Variants in RIT2 observed in about 807,000 individuals in gnomAD.
The protein encoded by RIT2 is Ras like without CAAX 2, also known as GTP-binding protein Rit2.
RIT2 carries 24 observed loss-of-function variants against 23.7 expected under a neutral mutation model. That is an observed-to-expected ratio of 1.01 (90% CI 0.73 to 1.43). The LOEUF (loss-of-function observed/expected upper bound fraction) is 1.43, where lower values mean the gene tolerates loss of function less well. Ranked by LOEUF, RIT2 falls within the 40% of genes most tolerant of loss-of-function variation. The pLI is 0.00. For synonymous variants in RIT2, 107 were observed against 91.1 expected (o/e 1.17, Z -0.99); for missense variants, 236 against 266.9 (o/e 0.88, Z 0.81).
chr18:43,111,610 T>TA (rs1368304405), intron 1 of RIT2, among the ~76,000 whole-genome samples: 6 of 152,076 alleles, frequency 3.9e-5, no homozygotes, highest in African/African-American at 7.2e-5. Context: ...CAAATAAACA[T>TA]AAAAAAATCT....
chr18:42,848,335 A>G (rs1371327220), intron 4 of RIT2, among the ~76,000 whole-genome samples: 1 of 152,180 alleles, frequency 6.6e-6, no homozygotes, highest in African/African-American at 2.4e-5. Flanking sequence ...GGACTATAGC[A>G]GTATAACATG....
At chr18:42,822,389 C>T (rs1383239661) in intron 4 of RIT2, among the ~76,000 whole-genome samples, 3 of 152,042 alleles carry the variant, frequency 2.0e-5, no homozygotes, top group Non-Finnish European at 4.4e-5. Context: ...ATTTCACTCA[C>T]GTTGAAGAAA....
At chr18:42,968,191 A>G (rs1450765318) in intron 3 of RIT2, among the ~76,000 whole-genome samples, 1 of 152,174 alleles carries the variant, frequency 6.6e-6, no homozygotes, top group Non-Finnish European at 1.5e-5. Flanking sequence ...ATGTTTAACC[A>G]TAGTTGGTTT....
At chr18:42,757,642 C>T (rs887688675) in intron 4 of RIT2, among the ~76,000 whole-genome samples, 9 of 152,300 alleles carry the variant, frequency 5.9e-5, no homozygotes, top group East Asian at 1.9e-4. Flanking sequence ...CGTGCCTGTG[C>T]TTATTGGTAC....
intron 2 of RIT2, among the ~76,000 whole-genome samples, chr18:42,999,783 G>C (rs2144240037): frequency 6.6e-6 from 1 of 152,180 alleles, no homozygotes; most frequent in Non-Finnish European, 1.5e-5. Flanking sequence ...CCAGAAAATA[G>C]GTGGTAAAAA....
At chr18:42,853,770 T>A (rs1190146266) in intron 4 of RIT2, among the ~76,000 whole-genome samples, 1 of 152,212 alleles carries the variant, frequency 6.6e-6, no homozygotes, top group Non-Finnish European at 1.5e-5. Context: ...TTTCCAGCTA[T>A]TTTAGGTTCT....
At chr18:43,002,967 G>C (rs1416084447) in intron 2 of RIT2, among the ~76,000 whole-genome samples, 1 of 151,934 alleles carries the variant, frequency 6.6e-6, no homozygotes, top group East Asian at 1.9e-4. Context: ...AGGAAGGATA[G>C]AAATATGCTG....
chr18:43,025,810 T>C (rs1052877018), intron 2 of RIT2, among the ~76,000 whole-genome samples: 1 of 151,960 alleles, frequency 6.6e-6, no homozygotes, highest in African/African-American at 2.4e-5. Flanking sequence ...AGTGTGATAA[T>C]AGTTATTGAA....
intron 4 of RIT2, among the ~76,000 whole-genome samples, chr18:42,850,716 T>C (rs1280253864): frequency 6.6e-6 from 1 of 152,220 alleles, no homozygotes; most frequent in African/African-American, 2.4e-5. Context: ...TCTTTGGTTT[T>C]CATGCAAAAC....
chr18:42,781,020 G>A (rs1200063913), intron 4 of RIT2, among the ~76,000 whole-genome samples: 1 of 152,024 alleles, frequency 6.6e-6, no homozygotes, highest in Non-Finnish European at 1.5e-5. Flanking sequence ...CTTTGTGGTT[G>A]ACCTGCAGTG....
At chr18:42,891,038 G>T (rs547352729) in intron 4 of RIT2, among the ~76,000 whole-genome samples, 2 of 152,092 alleles carry the variant, frequency 1.3e-5, no homozygotes, top group Admixed American at 6.6e-5. Flanking sequence ...TCCTCCAACA[G>T]ACATATTAAA....
intron 2 of RIT2, among the ~76,000 whole-genome samples, chr18:43,004,454 A>C (rs1166067010): frequency 6.6e-6 from 1 of 151,860 alleles, no homozygotes; most frequent in Non-Finnish European, 1.5e-5. Context: ...ATCAACATTA[A>C]AAAAGTAATT....
intron 4 of RIT2, among the ~76,000 whole-genome samples, chr18:42,883,368 C>G (rs1484920274): frequency 6.6e-6 from 1 of 152,152 alleles, no homozygotes; most frequent in Non-Finnish European, 1.5e-5. Context: ...ATTTGTGGTA[C>G]TCTGTATTTG....
chr18:42,756,115 G>T (rs1913157485), intron 4 of RIT2, among the ~76,000 whole-genome samples: 1 of 152,096 alleles, frequency 6.6e-6, no homozygotes, highest in Admixed American at 6.6e-5. Flanking sequence ...AAGTGAATAA[G>T]AGCACAATCA....
At chr18:43,101,382 A>C (rs866139399) in intron 1 of RIT2, among the ~76,000 whole-genome samples, 1 of 152,184 alleles carries the variant, frequency 6.6e-6, no homozygotes, top group African/African-American at 2.4e-5. Flanking sequence ...ATTATGTCTA[A>C]TTATCCAGAC....
chr18:42,971,507 C>T (rs558902596), intron 3 of RIT2, among the ~76,000 whole-genome samples: 73 of 152,084 alleles, frequency 4.8e-4, no homozygotes, highest in Admixed American at 9.8e-4. Flanking sequence ...TAAGATTCTC[C>T]ATCTCCAGCC....
Position 42,916,196 on chromosome 18 carries a change from T to C in RIT2, c.426+7376A>G, listed in dbSNP as rs1195924443. On this transcript the variant is annotated intron_variant, in intron 4 of 4. Coordinates refer to ENST00000326695, the MANE Select transcript of RIT2 (RefSeq NM_002930.4). Reference sequence around the variant, plus strand: ...GATGGGGCCTGATAATTAGTATTTCTAATGAAGATCACAGGTGGTACTGTC... The same window carrying C: ...GATGGGGCCTGATAATTAGTATTTCCAATGAAGATCACAGGTGGTACTGTC... Among the ~76,000 whole-genome samples the C allele has an allele frequency of 2.0e-5, 3 of 152,116 alleles. No homozygotes were observed. In the East Asian group the frequency reaches 5.8e-4, roughly 29 times the overall value.
chr18:43,101,509 GA>G (rs1363648886), intron 1 of RIT2, among the ~76,000 whole-genome samples: 1 of 152,178 alleles, frequency 6.6e-6, no homozygotes, highest in Non-Finnish European at 1.5e-5. Context: ...AAATTAAAAT[GA>G]GAAGAAGCCC....
chr18:42,773,635 A>G (rs963478585), intron 4 of RIT2, among the ~76,000 whole-genome samples: 4 of 152,164 alleles, frequency 2.6e-5, no homozygotes, highest in Non-Finnish European at 5.9e-5. Flanking sequence ...TTGAGTGTAT[A>G]TTTTAGTACT....
Sources: gnomAD v4.1 joint callset for allele counts (sites outside exome capture counted in the v4.1 genomes callset) on GRCh38, gnomAD v4.1.1 for gene constraint, MANE v1.5 for transcripts, NCBI Gene and HGNC (gene_info 2026-07-23, HGNC 2026-07-21) for gene names.